The following MYT1L variants were observed in gnomAD, a reference collection of about 807,000 sequenced individuals.
The protein encoded by MYT1L is myelin transcription factor 1-like protein.
MYT1L carries 12 observed loss-of-function variants against 126.7 expected under a neutral mutation model. That is an observed-to-expected ratio of 0.09 (90% CI 0.06 to 0.15). The LOEUF (loss-of-function observed/expected upper bound fraction) is 0.15, where lower values mean the gene tolerates loss of function less well. Ranked by LOEUF, MYT1L falls within the 10% of genes least tolerant of loss-of-function variation. MYT1L has a pLI of 1.00. For synonymous variants in MYT1L, 541 were observed against 604.2 expected (o/e 0.90, Z 1.53); for missense variants, 979 against 1,585.2 (o/e 0.62, Z 6.49).
intron 3 of MYT1L, among the ~76,000 whole-genome samples, chr2:2,170,456 T>C (rs1376735695): frequency 6.6e-6 from 1 of 152,208 alleles, no homozygotes; most frequent in Non-Finnish European, 1.5e-5. Flanking sequence ...GTGGCAGTGA[T>C]GAGCAGTTGC....
intron 9 of MYT1L, among the ~76,000 whole-genome samples, chr2:1,931,691 C>T (rs893900761): frequency 6.6e-6 from 1 of 152,210 alleles, no homozygotes; most frequent in Non-Finnish European, 1.5e-5. Context: ...GGGCCTCCGT[C>T]TCATTACCAT....
chr2:2,264,310 G>A (rs2149302669), intron 2 of MYT1L, among the ~76,000 whole-genome samples: 1 of 152,008 alleles, frequency 6.6e-6, no homozygotes, highest in South Asian at 2.1e-4. Context: ...AGAGGCCCTG[G>A]GTCTGATGCC....
chr2:2,278,822 CT>C, intron 2 of MYT1L, among the ~76,000 whole-genome samples: 1 of 152,264 alleles, frequency 6.6e-6, no homozygotes. Flanking sequence ...CAGTGGTGAA[CT>C]ATGAAGGGAT....
chr2:2,292,209 C>CA (rs2095610183), intron 1 of MYT1L, among the ~76,000 whole-genome samples: 1 of 152,222 alleles, frequency 6.6e-6, no homozygotes, highest in African/African-American at 2.4e-5. Flanking sequence ...CAGGGGCCTG[C>CA]AGCTCTGGGG....
chr2:2,180,893 CCT>C (rs1572198948), intron 2 of MYT1L, among the ~76,000 whole-genome samples: 1 of 139,970 alleles, frequency 7.1e-6, no homozygotes, highest in South Asian at 2.3e-4. Flanking sequence ...TGTGTGTGTA[CCT>C]CTGTGCTTGT....
At chr2:1,818,589 A>G (rs2038045437) in intron 21 of MYT1L, among the ~76,000 whole-genome samples, 1 of 152,116 alleles carries the variant, frequency 6.6e-6, no homozygotes, top group Non-Finnish European at 1.5e-5. Context: ...ATAAGCAAAC[A>G]GGGATTTGGT....
At chr2:2,242,960 G>A (rs1325874040) in intron 2 of MYT1L, among the ~76,000 whole-genome samples, 1 of 151,822 alleles carries the variant, frequency 6.6e-6, no homozygotes, top group Non-Finnish European at 1.5e-5. Flanking sequence ...GCAATGAAGA[G>A]GACAGAAACA....
At chr2:2,143,260 A>G (rs1268664500) in intron 3 of MYT1L, among the ~76,000 whole-genome samples, 1 of 150,078 alleles carries the variant, frequency 6.7e-6, no homozygotes, top group Non-Finnish European at 1.5e-5. Context: ...ACTGCATTCC[A>G]GCCTGGGCGA....
intron 3 of MYT1L, among the ~76,000 whole-genome samples, chr2:2,101,601 G>A (rs139161235): frequency 1.3e-4 from 20 of 150,176 alleles, no homozygotes; most frequent in East Asian, 2.0e-4. Flanking sequence ...ATCCAACCAC[G>A]CACCCTTCTA....
intron 4 of MYT1L, among the ~76,000 whole-genome samples, chr2:2,007,392 TAGA>T (rs1245511285): frequency 2.6e-5 from 4 of 152,184 alleles, no homozygotes; most frequent in African/African-American, 7.2e-5. Context: ...TCAATCAATT[TAGA>T]AGGTTATTTT....
chr2:1,824,546 G>A (rs2039020186), intron 21 of MYT1L: 1 of 152,332 alleles, frequency 6.6e-6, no homozygotes, highest in South Asian at 2.1e-4. Context: ...TGGGCCCTGT[G>A]AGAACTCAGG....
intron 2 of MYT1L, among the ~76,000 whole-genome samples, chr2:2,190,255 G>A (rs1184067026): frequency 6.6e-6 from 1 of 152,140 alleles, no homozygotes; most frequent in Non-Finnish European, 1.5e-5. Context: ...TCAGGGATTT[G>A]AGACCAGCCA....
Position 1,921,673 on chromosome 2 carries a change from C to T in MYT1L, c.1483+613G>A, listed in dbSNP as rs117164364. On this transcript the variant is annotated intron_variant, in intron 10 of 24. Coordinates refer to ENST00000647738, the MANE Select transcript of MYT1L (RefSeq NM_001303052.2). ...TTGCTATTGATCTTAGCTGAGGCCA[C>T]ACCATGCCTTGCATAGCAAATGGTT... Among the ~76,000 whole-genome samples, 19 of 152,328 alleles carry T rather than the reference C, an allele frequency of 1.2e-4. 1 individual carries two copies. In the East Asian group the frequency reaches 3.7e-3, roughly 29 times the overall value.
rs893162843 is a variant in MYT1L at position 2,111,614 on chromosome 2, C to T, written c.-303-57491G>A. On this transcript the variant is annotated intron_variant, in intron 3 of 24. Transcript: ENST00000647738. ...GAGGAATTGTCTGTAGTGAATAGGG[C>T]AGTTAGTATGACACACAGAAAGACA... Among the ~76,000 whole-genome samples the T allele has an allele frequency of 2.6e-5, 4 of 152,160 alleles. No homozygotes were observed. The East Asian group carries it at 7.7e-4, about 29-fold the overall frequency.
At chr2:2,279,724 C>T (rs934648381) in intron 2 of MYT1L, among the ~76,000 whole-genome samples, 11 of 152,246 alleles carry the variant, frequency 7.2e-5, no homozygotes, top group South Asian at 2.1e-4. Flanking sequence ...TCGGGTTGAG[C>T]GACAGCCTTC....
At chr2:1,798,258 C>T (rs1264281253) in intron 23 of MYT1L, among the ~76,000 whole-genome samples, 1 of 151,232 alleles carries the variant, frequency 6.6e-6, no homozygotes, top group Non-Finnish European at 1.5e-5. Flanking sequence ...CTCCCTCCAT[C>T]CGGCACAGGC....
At chr2:2,022,967 A>G (rs148486714) in intron 4 of MYT1L, among the ~76,000 whole-genome samples, 2 of 152,152 alleles carry the variant, frequency 1.3e-5, no homozygotes, top group Non-Finnish European at 2.9e-5. Flanking sequence ...ACTCACCTAC[A>G]TGGCCCAGGA....
chr2:2,289,126 A>G (rs770202725), intron 1 of MYT1L, among the ~76,000 whole-genome samples: 5 of 152,182 alleles, frequency 3.3e-5, no homozygotes, highest in Non-Finnish European at 5.9e-5. Flanking sequence ...CTCCACTAAC[A>G]GCAGAGTAAG....
intron 23 of MYT1L, among the ~76,000 whole-genome samples, chr2:1,799,355 G>A (rs1226733514): frequency 2.6e-5 from 4 of 152,288 alleles, no homozygotes; most frequent in South Asian, 2.1e-4. Context: ...AGCAGCCTGC[G>A]TAGGCACATG....
Sources: allele counts gnomAD v4.1 joint callset (sites outside exome capture counted in the v4.1 genomes callset), GRCh38; gene constraint gnomAD v4.1.1; transcripts MANE v1.5; gene names NCBI Gene and HGNC (gene_info 2026-07-23, HGNC 2026-07-21).